PPP2R2C: variants seen among roughly 807,000 people sequenced by gnomAD.
PPP2R2C encodes the protein protein phosphatase 2, regulatory subunit B, gamma.
In PPP2R2C, 10 loss-of-function variants were observed where a neutral mutation model predicts 45.3. The observed-to-expected ratio is 0.22, with a 90% CI of 0.14 to 0.37. The LOEUF is 0.37. PPP2R2C is among the 10% of genes least tolerant of loss of function. The probability of loss-of-function intolerance (pLI) is 1.00; values close to 1 mark genes in which losing one functional copy is unlikely to be tolerated. For missense variants in PPP2R2C, 308 were observed against 619.7 expected (o/e 0.50, Z 5.34); for synonymous variants, 257 against 245.4 (o/e 1.05, Z -0.44).
rs1264494436 is a variant in PPP2R2C at position 6,322,214 on chromosome 4, T to C, written c.*1088A>G. The C allele has an allele frequency of 1.3e-5, 2 of 152,060 alleles. No homozygotes were observed. Among genetic ancestry groups the C allele is most frequent in the African/African-American group, 2.4e-5 (1 of 41,380 alleles). The allele number at this position is 152,060 out of a possible 1,614,324, so 9.4% of individuals were successfully genotyped here. A position where few individuals can be genotyped will look rare whatever the true frequency, so the allele number is the denominator to read the frequency against. On this transcript the variant is annotated 3_prime_UTR_variant, in exon 9 of 9. Coordinates refer to ENST00000382599, the MANE Select transcript of PPP2R2C (RefSeq NM_020416.4). The surrounding 1 kb of genome is among the most constrained non-coding windows in gnomAD (Gnocchi z 7.8). Reference sequence around the variant, plus strand: ...CCCACGAGATGGACTGGAGAGAACCTTGTGTGAAGACCCGGACGGGTTCCT... The same window carrying C: ...CCCACGAGATGGACTGGAGAGAACCCTGTGTGAAGACCCGGACGGGTTCCT...
rs888590455 is a variant in PPP2R2C at position 6,506,729 on chromosome 4, C to G, written c.49+28542G>C. 3.3e-5 allele frequency among the ~76,000 whole-genome samples: 5 copies of G among 152,144 alleles called. 1 individual carries two copies. The highest frequency in any genetic ancestry group is 7.4e-5 in the Non-Finnish European group (5 of 68,022). The stretch of plus-strand genomic sequence containing the variant: ...CTGACTGGGCTTAGCTGAGCTGTTC[C>G]TTCTTGGTGTTCCTCATGAAGTTGC... On this transcript the variant is annotated intron_variant, in intron 2 of 9. Transcript: ENST00000506140.
At chr4:6,539,342 C>T (rs529123992) in intron 1 of PPP2R2C, among the ~76,000 whole-genome samples, 1 of 152,272 alleles carries the variant, frequency 6.6e-6, no homozygotes, top group African/African-American at 2.4e-5. Flanking sequence ...ACCAGCCCTG[C>T]CCACACTGTG....
chr4:6,348,020 G>C lies in PPP2R2C; in HGVS notation c.626-10C>G. The C allele has an allele frequency of 6.2e-7, 1 of 1,612,958 alleles. No homozygotes were observed. The highest frequency in any genetic ancestry group is 8.5e-7 in the Non-Finnish European group (1 of 1,179,208). ...TTGATGTCCACGATGTCTGGGGGCA[G>C]TGCGGTCAAGGAAGGGGCAGTGAAG... On this transcript the variant is annotated splice_polypyrimidine_tract_variant and intron_variant, in intron 5 of 8. Transcript: ENST00000382599.
At chr4:6,499,739 A>G (rs752758895) in intron 2 of PPP2R2C, among the ~76,000 whole-genome samples, 8 of 151,584 alleles carry the variant, frequency 5.3e-5, no homozygotes, top group Non-Finnish European at 8.8e-5. Context: ...ACTGTTCTGA[A>G]TAAACAGAAT....
intron 5 of PPP2R2C, among the ~76,000 whole-genome samples, chr4:6,352,643 A>G (rs1487638747): frequency 6.6e-6 from 1 of 152,214 alleles, no homozygotes; most frequent in Non-Finnish European, 1.5e-5. Flanking sequence ...TTCCAGAGAG[A>G]GGAGCAAGTT....
chr4:6,548,579 T>G (rs1237457250), intron 1 of PPP2R2C, among the ~76,000 whole-genome samples: 1 of 152,152 alleles, frequency 6.6e-6, no homozygotes, highest in Non-Finnish European at 1.5e-5. Context: ...AGGTAAAAGG[T>G]AGAAGAGCCA....
At position 6,368,729 on chromosome 4, in the gene PPP2R2C, C is replaced by T. The variant is rs1191609124; in HGVS notation, c.625+3794G>A. ...TCTCATTCCTCCACCGCCTCCCACC[C>T]GTGGCCACGCTCTGGCCCTGCCTCT... On this transcript the variant is annotated intron_variant, in intron 5 of 8. Coordinates refer to ENST00000382599, the MANE Select transcript of PPP2R2C (RefSeq NM_020416.4). The surrounding 1 kb of genome is among the most constrained non-coding windows in gnomAD (Gnocchi z 4.2). Among the ~76,000 whole-genome samples the T allele has an allele frequency of 5.3e-5, 8 of 152,172 alleles. No individual in the cohort carries two copies. The East Asian group carries it at 9.6e-4, about 18-fold the overall frequency.
At chr4:6,530,863 C>A (rs571309169) in intron 2 of PPP2R2C, among the ~76,000 whole-genome samples, 4 of 152,228 alleles carry the variant, frequency 2.6e-5, no homozygotes, top group African/African-American at 9.6e-5. Flanking sequence ...TTTCTACAGG[C>A]GCATAGGGTG....
chr4:6,347,803 C>CG, intron 6 of PPP2R2C, 43 bp downstream of exon 6: 40 of 1,447,278 alleles, frequency 2.8e-5, no homozygotes, highest in Middle Eastern at 2.0e-4. Flanking sequence ...ACCCGCCCGC[C>CG]TGCCCAATGC....
intron 6 of PPP2R2C, among the ~76,000 whole-genome samples, chr4:6,335,714 A>G (rs530666913): frequency 1.3e-5 from 2 of 151,456 alleles, no homozygotes; most frequent in South Asian, 4.2e-4. Flanking sequence ...TCCTGATCCC[A>G]GGCCACTGCA....
At chr4:6,511,899 G>T (rs1577230402) in intron 2 of PPP2R2C, among the ~76,000 whole-genome samples, 1 of 102,162 alleles carries the variant, frequency 9.8e-6, no homozygotes, top group Non-Finnish European at 2.1e-5. Flanking sequence ...TGGTGATGGT[G>T]GTGGTGGTGG....
intron 1 of PPP2R2C, among the ~76,000 whole-genome samples, chr4:6,412,340 C>T (rs918422091): frequency 6.6e-6 from 1 of 152,192 alleles, no homozygotes; most frequent in African/African-American, 2.4e-5. Context: ...TTACTGACCC[C>T]TCAAAGTAAC....
intron 2 of PPP2R2C, among the ~76,000 whole-genome samples, chr4:6,479,324 G>T (rs1420993903): frequency 6.6e-6 from 1 of 152,192 alleles, no homozygotes; most frequent in African/African-American, 2.4e-5. Context: ...CTCTTGGCTT[G>T]TTCGACCACT....
chr4:6,323,653 A>G, intron 8 of PPP2R2C, 60 bp from the exon 9 acceptor site: 1 of 1,437,548 alleles, frequency 7.0e-7, no homozygotes, highest in Non-Finnish European at 9.2e-7. Flanking sequence ...TCGAGAAATA[A>G]GCCCAGGTGT....
rs974519931 is a variant in PPP2R2C, at chr4:6,333,424, G to A, written c.960+138C>T. ...AAGCTACGTGTGGGGATGAGTTGCTGGATTTCTTCAGCCTCCGTGTCTTCA... is the reference window on the plus strand; with the variant it reads ...AAGCTACGTGTGGGGATGAGTTGCTAGATTTCTTCAGCCTCCGTGTCTTCA... On this transcript the variant is annotated intron_variant, in intron 7 of 8. Coordinates refer to ENST00000382599, the MANE Select transcript of PPP2R2C (RefSeq NM_020416.4). 8.0e-6 allele frequency: 8 copies of A among 1,004,920 alleles called. No individual in the cohort carries two copies. In the African/African-American group the frequency reaches 8.2e-5, roughly 10 times the overall value. The allele number at this position is 1,004,920 out of a possible 1,614,324, so 62.3% of individuals were successfully genotyped here. A position where few individuals can be genotyped will look rare whatever the true frequency, so the allele number is the denominator to read the frequency against.
Position 6,427,022 on chromosome 4 carries a change from G to A in PPP2R2C, c.70+45138C>T, listed in dbSNP as rs150292117. ...TGGAAGCGGCCACATACCACGGAGG[G>A]CACATCCAAGGGGGATGCTGGTGAA... On this transcript the variant is annotated intron_variant, in intron 1 of 8. Transcript: ENST00000382599. Among the ~76,000 whole-genome samples, 590 of 152,356 alleles carry A rather than the reference G, an allele frequency of 3.9e-3. 2 individuals carry two copies. Among genetic ancestry groups the A allele is most frequent in the Non-Finnish European group, 7.4e-3 (500 of 68,026 alleles).
intron 1 of PPP2R2C, among the ~76,000 whole-genome samples, chr4:6,559,638 T>G (rs1191349697): frequency 6.6e-6 from 1 of 152,056 alleles, no homozygotes; most frequent in Non-Finnish European, 1.5e-5. Flanking sequence ...ATGTGAGATA[T>G]GAGGAGCCGG....
chr4:6,371,418 G>A (rs535184226), intron 5 of PPP2R2C, among the ~76,000 whole-genome samples: 258 of 152,264 alleles, frequency 1.7e-3, no homozygotes, highest in Non-Finnish European at 2.9e-3. Context: ...CAGCTATCCC[G>A]GCTTCTACTG....
At chr4:6,395,508 C>T (rs892411251) in intron 1 of PPP2R2C, among the ~76,000 whole-genome samples, 24 of 152,172 alleles carry the variant, frequency 1.6e-4, no homozygotes, top group Admixed American at 7.2e-4. Flanking sequence ...CTCCGTGTCT[C>T]GGTCTCTGGA....
Sources: allele counts gnomAD v4.1 joint callset (sites outside exome capture counted in the v4.1 genomes callset), GRCh38; gene constraint gnomAD v4.1.1; non-coding constraint Gnocchi (gnomAD v3.1); transcripts MANE v1.5; gene names NCBI Gene and HGNC (gene_info 2026-07-23, HGNC 2026-07-21).